Variants in KIAA1958 observed in about 807,000 individuals in gnomAD.
KIAA1958 encodes the protein uncharacterized protein KIAA1958.
A neutral mutation model predicts 47.2 loss-of-function variants in KIAA1958; 14 were observed. That is an observed-to-expected ratio of 0.30 (90% CI 0.20 to 0.46). The LOEUF (loss-of-function observed/expected upper bound fraction) is 0.46, where lower values mean the gene tolerates loss of function less well. Among genes scored for constraint, KIAA1958 ranks in the 20% least tolerant of loss-of-function variants. The probability of loss-of-function intolerance (pLI) is 1.00; values close to 1 mark genes in which losing one functional copy is unlikely to be tolerated. For missense variants in KIAA1958, 803 were observed against 909.2 expected, an observed-to-expected ratio of 0.88 and a Z score of 1.50; for synonymous variants, 354 against 353.3, an observed-to-expected ratio of 1.00 and a Z score of -0.02.
chr9:112,574,866 G>A lies in KIAA1958; in HGVS notation c.786G>A (p.Thr262=), dbSNP rs1187903519. ...CCCATGTCACATCTGCCATCAGCAC[G>A]GAGCTAGACCCACACGGTATGTCTG... ...LIPHVTSAIS[T]ELDPHGMSAS... The change falls in exon 2 of 4, where the codon ACG becomes ACA. Residue 262 remains threonine (T), a synonymous_variant. Coordinates refer to ENST00000337530, the MANE Select transcript of KIAA1958 (RefSeq NM_133465.4). 2.5e-5 allele frequency: 41 copies of A among 1,613,964 alleles called. No homozygotes were observed. Among genetic ancestry groups the A allele is most frequent in the African/African-American group, 4.0e-5 (3 of 74,902 alleles).
intron 1 of KIAA1958, among the ~76,000 whole-genome samples, chr9:112,532,645 C>T (rs149469761): frequency 5.3e-5 from 8 of 152,316 alleles, no homozygotes; most frequent in African/African-American, 1.7e-4. Flanking sequence ...AGGATTGCAA[C>T]ATCAAAAACT....
At chr9:112,603,669 G>T (rs1836175018) in intron 2 of KIAA1958, among the ~76,000 whole-genome samples, 1 of 152,090 alleles carries the variant, frequency 6.6e-6, no homozygotes, top group South Asian at 2.1e-4. Flanking sequence ...TTTTTAATTT[G>T]TTTTATGTGT....
At chr9:112,511,337 G>T (rs56706978) in intron 1 of KIAA1958, among the ~76,000 whole-genome samples, 1 of 152,212 alleles carries the variant, frequency 6.6e-6, no homozygotes, top group Non-Finnish European at 1.5e-5. Flanking sequence ...CTGATGTACA[G>T]AAAAGTTTGA....
intron 2 of KIAA1958, among the ~76,000 whole-genome samples, chr9:112,642,268 T>A (rs886367836): frequency 6.6e-6 from 1 of 152,222 alleles, no homozygotes; most frequent in Non-Finnish European, 1.5e-5. Flanking sequence ...TGAATAGGCT[T>A]CCCTTCAGGG....
intron 1 of KIAA1958, among the ~76,000 whole-genome samples, chr9:112,539,939 C>T (rs1229736765): frequency 6.6e-6 from 1 of 152,130 alleles, no homozygotes. Context: ...GATTCACCTG[C>T]CTCAGCTTCC....
intron 1 of KIAA1958, among the ~76,000 whole-genome samples, chr9:112,537,843 A>G (rs113875559): frequency 2.0e-5 from 3 of 152,254 alleles, no homozygotes; most frequent in African/African-American, 7.2e-5. Flanking sequence ...TGAAACTATT[A>G]TTTGAATGGA....
At chr9:112,501,434 T>G (rs544940949) in intron 1 of KIAA1958, among the ~76,000 whole-genome samples, 2 of 151,638 alleles carry the variant, frequency 1.3e-5, no homozygotes, top group African/African-American at 4.9e-5. Flanking sequence ...CAAAGCGAGA[T>G]CCTGTCTCTT....
At chr9:112,487,946 C>CGT (rs57108785) in intron 1 of KIAA1958, among the ~76,000 whole-genome samples, 63,532 of 145,580 alleles carry the variant, frequency 0.44, 13,512 homozygotes, top group Non-Finnish European at 0.46. Flanking sequence ...AGTGTGTGTG[C>CGT]GTGTGTGTGT....
At chr9:112,531,492 A>T (rs1274924864) in intron 1 of KIAA1958, among the ~76,000 whole-genome samples, 8 of 152,260 alleles carry the variant, frequency 5.3e-5, no homozygotes, top group African/African-American at 1.7e-4. Flanking sequence ...GAGACTATCT[A>T]TTAAGTCATA....
At chr9:112,640,410 C>T (rs756008477) in intron 2 of KIAA1958, among the ~76,000 whole-genome samples, 7 of 152,070 alleles carry the variant, frequency 4.6e-5, no homozygotes, top group East Asian at 3.9e-4. Flanking sequence ...TTTTCTGTAT[C>T]GTTTCTCCAT....
chr9:112,636,347 G>A lies in KIAA1958; in HGVS notation c.1172-9303G>A, dbSNP rs149538113. On this transcript the variant is annotated intron_variant, in intron 2 of 3. Coordinates refer to ENST00000337530, the MANE Select transcript of KIAA1958 (RefSeq NM_133465.4). ...AAGTGACATACAAACTTGAAGAAAT[G>A]TGTATTCTGAAGTTGTGTGTGTTGT... Among the ~76,000 whole-genome samples, 478 of 152,042 alleles carry A rather than the reference G, an allele frequency of 3.1e-3. 4 individuals carry two copies. The highest frequency in any genetic ancestry group is 0.011 in the African/African-American group (462 of 41,508).
chr9:112,595,276 G>A (rs1168329744), intron 2 of KIAA1958, among the ~76,000 whole-genome samples: 2 of 152,218 alleles, frequency 1.3e-5, no homozygotes, highest in Non-Finnish European at 2.9e-5. Flanking sequence ...AGCACTGAGT[G>A]ATAAGGCTCA....
intron 1 of KIAA1958, among the ~76,000 whole-genome samples, chr9:112,496,730 T>C (rs1006535243): frequency 1.3e-5 from 2 of 152,190 alleles, no homozygotes; most frequent in South Asian, 4.1e-4. Flanking sequence ...CTTAGGTTCT[T>C]GTGGTCTCGC....
At chr9:112,616,422 A>T (rs1210535014) in intron 2 of KIAA1958, among the ~76,000 whole-genome samples, 2 of 152,258 alleles carry the variant, frequency 1.3e-5, no homozygotes, top group Non-Finnish European at 2.9e-5. Context: ...AAAAAGTAGT[A>T]TGTAAATAAA....
At chr9:112,639,250 C>G (rs1836856918) in intron 2 of KIAA1958, among the ~76,000 whole-genome samples, 1 of 151,996 alleles carries the variant, frequency 6.6e-6, no homozygotes, top group Admixed American at 6.6e-5. Flanking sequence ...ATATCCTGTT[C>G]CTCAGTCTTT....
At chr9:112,646,708 A>C (rs1424205530) in intron 3 of KIAA1958, among the ~76,000 whole-genome samples, 1 of 152,212 alleles carries the variant, frequency 6.6e-6, no homozygotes, top group Non-Finnish European at 1.5e-5. Flanking sequence ...GTAAATAGCT[A>C]CTGTACTCCA....
At chr9:112,603,804 A>T (rs1335038447) in intron 2 of KIAA1958, among the ~76,000 whole-genome samples, 1 of 152,232 alleles carries the variant, frequency 6.6e-6, no homozygotes, top group Non-Finnish European at 1.5e-5. Context: ...TTAAATATTT[A>T]TCTCAGCTGC....
At chr9:112,540,969 C>G (rs1003067620) in intron 1 of KIAA1958, among the ~76,000 whole-genome samples, 3 of 152,002 alleles carry the variant, frequency 2.0e-5, no homozygotes, top group Admixed American at 6.6e-5. Context: ...GTTGGCCCAC[C>G]CCCACCTCCT....
At chr9:112,589,652 C>T (rs1158113493) in intron 2 of KIAA1958, among the ~76,000 whole-genome samples, 1 of 152,148 alleles carries the variant, frequency 6.6e-6, no homozygotes, top group East Asian at 1.9e-4. Flanking sequence ...GGTTTATGTC[C>T]TACTAGGCCT....
Sources: allele counts gnomAD v4.1 joint callset (sites outside exome capture counted in the v4.1 genomes callset), GRCh38; gene constraint gnomAD v4.1.1; transcripts MANE v1.5; gene names NCBI Gene and HGNC (gene_info 2026-07-23, HGNC 2026-07-21).